The following SLC1A6 variants were observed in gnomAD, a reference collection of about 807,000 sequenced individuals.
The protein encoded by SLC1A6 is excitatory amino acid transporter 4.
Under a neutral mutation model 42.1 loss-of-function variants are expected in SLC1A6, and 15 were observed. The ratio of observed to expected loss-of-function variants is 0.36; its 90% CI spans 0.24 to 0.55. SLC1A6 has a LOEUF of 0.55. Among genes scored for constraint, SLC1A6 ranks in the 20% least tolerant of loss-of-function variants. The pLI is 0.88. For missense variants in SLC1A6, 542 were observed against 772.5 expected (o/e 0.70, Z 3.54); for synonymous variants, 317 against 319.7 (o/e 0.99, Z 0.09).
intron 1 of SLC1A6, among the ~76,000 whole-genome samples, chr19:14,995,274 G>A (rs538991424): frequency 3.0e-5 from 4 of 131,774 alleles, no homozygotes; most frequent in Non-Finnish European, 6.3e-5. Flanking sequence ...GCAGTGAGCC[G>A]AGATCATACC....
upstream of SLC1A6, among the ~76,000 whole-genome samples, chr19:14,983,802 C>A (rs1383108739): frequency 2.0e-5 from 3 of 149,594 alleles, no homozygotes; most frequent in Non-Finnish European, 4.4e-5. Context: ...GTTAGGTAAG[C>A]TATGCTCAGA....
chr19:14,966,555 C>A (rs139567930), intron 4 of SLC1A6, among the ~76,000 whole-genome samples: 13 of 152,076 alleles, frequency 8.5e-5, no homozygotes, highest in African/African-American at 1.9e-4. Context: ...AATAAAAAAT[C>A]AAAAATTTAG....
chr19:14,978,726 C>T (rs1261098804), intron 1 of SLC1A6, among the ~76,000 whole-genome samples: 1 of 151,860 alleles, frequency 6.6e-6, no homozygotes, highest in Non-Finnish European at 1.5e-5. Flanking sequence ...AGGCACGCAA[C>T]CACCCACACC....
At chr19:14,962,467 T>C in intron 5 of SLC1A6, 122 bp from the exon 6 acceptor site, 1 of 674,584 alleles carries the variant, frequency 1.5e-6, no homozygotes, top group East Asian at 2.5e-5. Context: ...AAGATCTTCA[T>C]TATCGATTAT....
chr19:14,971,922 C>A, intron 2 of SLC1A6, 48 bp from the exon 3 acceptor site: 2 of 1,603,220 alleles, frequency 1.2e-6, no homozygotes, highest in Non-Finnish European at 1.7e-6. Flanking sequence ...GGTCGCTCAG[C>A]CCCAGGCAGG....
chr19:14,955,845 G>T (rs1490068711), intron 7 of SLC1A6, among the ~76,000 whole-genome samples: 1 of 151,544 alleles, frequency 6.6e-6, no homozygotes, highest in Non-Finnish European at 1.5e-5. Context: ...TGAGGCAGGA[G>T]AATCACTTGA....
intron 1 of SLC1A6, among the ~76,000 whole-genome samples, chr19:15,005,502 T>G (rs977720133): frequency 1.3e-4 from 20 of 151,926 alleles, no homozygotes; most frequent in African/African-American, 4.6e-4. Flanking sequence ...AGAGTGAAAC[T>G]CCTTCTCACA....
chr19:14,955,931 T>C (rs2045458469), intron 7 of SLC1A6, among the ~76,000 whole-genome samples: 1 of 151,760 alleles, frequency 6.6e-6, no homozygotes, highest in East Asian at 1.9e-4. Flanking sequence ...TGAGACTCTG[T>C]CTCAAAAAAA....
At chr19:14,990,854 A>G (rs541181336) in intron 1 of SLC1A6, among the ~76,000 whole-genome samples, 2 of 152,302 alleles carry the variant, frequency 1.3e-5, no homozygotes, top group East Asian at 3.9e-4. Flanking sequence ...GTTAATAACA[A>G]TACAGTGTAT....
rs117282417 is a variant in SLC1A6 at position 14,972,091 on chromosome 19, T to A, written c.206-217A>T. Among the ~76,000 whole-genome samples, 349 of 145,078 alleles carry A rather than the reference T, an allele frequency of 2.4e-3. 5 individuals are homozygous for A. The highest frequency in any genetic ancestry group is 0.017 in the Admixed American group (258 of 15,104). ...GATATTGTGTAAATGTGTGTCCGTG[T>A]CTGTGCAAATGTAAATGTGTAAATG... On this transcript the variant is annotated intron_variant, in intron 2 of 9. Transcript: ENST00000594383.
chr19:14,976,381 C>T (rs2045711253), intron 1 of SLC1A6, among the ~76,000 whole-genome samples: 1 of 152,094 alleles, frequency 6.6e-6, no homozygotes, highest in African/African-American at 2.4e-5. Context: ...CATTTTCTTG[C>T]TACATTGTTG....
chr19:14,988,299 G>A (rs2045802643), intron 1 of SLC1A6, among the ~76,000 whole-genome samples: 1 of 152,230 alleles, frequency 6.6e-6, no homozygotes, highest in East Asian at 1.9e-4. Flanking sequence ...GTGTTTTATG[G>A]TCTGCTCTTT....
Position 14,954,149 on chromosome 19 carries a change from C to G in SLC1A6, c.1350G>C (p.Gln450His). ...AGCCCCCTCACCTGATGGTTGTGAT[C>G]TGACCCAGGTTGAGCTCGTAGTTGT... ...QVNNYELNLG[Q>H]ITTISITATA... Residue 450 changes from glutamine to histidine, a missense_variant, in exon 8 of 10, where the codon CAG (glutamine) becomes CAC (histidine). Gln to His is a conservative substitution (Grantham distance 24). Around this residue, in one of 6 missense-constraint regions of SLC1A6, gnomAD observed 54 missense variants for 125.1 expected, o/e 0.43. Coordinates refer to ENST00000594383, the MANE Select transcript of SLC1A6 (RefSeq NM_005071.3). 1 of 1,604,462 alleles carries G rather than the reference C, an allele frequency of 6.2e-7. No individual in the cohort carries two copies. The highest frequency in any genetic ancestry group is 8.5e-7 in the Non-Finnish European group (1 of 1,174,598).
intron 3 of SLC1A6, among the ~76,000 whole-genome samples, chr19:14,968,851 A>G (rs891640681): frequency 6.7e-6 from 1 of 149,594 alleles, no homozygotes; most frequent in African/African-American, 2.5e-5. Flanking sequence ...TAACCTAACT[A>G]TTTTTTTTTT....
intron 5 of SLC1A6, among the ~76,000 whole-genome samples, chr19:14,963,496 T>C (rs1052896817): frequency 4.6e-5 from 7 of 152,362 alleles, no homozygotes; most frequent in East Asian, 1.9e-4. Context: ...GTAATTGATA[T>C]GTTAATAAGC....
intron 2 of SLC1A6, among the ~76,000 whole-genome samples, chr19:14,972,216 T>A (rs547928454): frequency 2.8e-4 from 42 of 152,276 alleles, no homozygotes; most frequent in African/African-American, 9.6e-4. Flanking sequence ...TGCACAGGTG[T>A]TTTCCTGGAC....
At chr19:14,994,958 C>T (rs1202553309) in intron 1 of SLC1A6, among the ~76,000 whole-genome samples, 1 of 152,038 alleles carries the variant, frequency 6.6e-6, no homozygotes, top group African/African-American at 2.4e-5. Flanking sequence ...AGGAAATAAG[C>T]CAGATACAGA....
Position 14,972,829 on chromosome 19 carries a change from C to CCTGCAGCCG in SLC1A6, c.73_81dup (p.Arg25_Gln27dup), listed in dbSNP as rs771789111. The CCTGCAGCCG allele has an allele frequency of 5.0e-6, 8 of 1,607,350 alleles. No individual in the cohort carries two copies. Among genetic ancestry groups the CCTGCAGCCG allele is most frequent in the Non-Finnish European group, 6.8e-6 (8 of 1,177,774 alleles). ...CGCAGTGCTCTCTGCTGCAGGCTTT[C>CCTGCAGCCG]CTGCAGCCGCTGCAGCCAGCCCACC... On this transcript the variant is annotated inframe_insertion, in exon 2 of 10. Transcript: ENST00000594383.
chr19:14,992,456 C>T (rs2045825002), intron 1 of SLC1A6, among the ~76,000 whole-genome samples: 1 of 151,940 alleles, frequency 6.6e-6, no homozygotes, highest in South Asian at 2.1e-4. Flanking sequence ...AGAGCAGGGT[C>T]ACGGCCGGGT....
Sources: allele counts gnomAD v4.1 joint callset (sites outside exome capture counted in the v4.1 genomes callset), GRCh38; gene constraint gnomAD v4.1.1; regional missense constraint gnomAD v4.1.1; transcripts MANE v1.5; gene names NCBI Gene and HGNC (gene_info 2026-07-23, HGNC 2026-07-21).